The following CCR3 variants were observed in gnomAD, a reference collection of about 807,000 sequenced individuals.
CCR3 encodes C-C motif chemokine receptor 3, also known as C-C chemokine receptor type 3.
For missense variants in CCR3, 419 were observed against 437.5 expected, an observed-to-expected ratio of 0.96 and a Z score of 0.38; for synonymous variants, 203 against 179.2, an observed-to-expected ratio of 1.13 and a Z score of -1.06.
chr3:46,221,406 A>C (rs1699835354), intron 2 of CCR3, among the ~76,000 whole-genome samples: 1 of 152,232 alleles, frequency 6.6e-6, no homozygotes, highest in Admixed American at 6.5e-5. Context: ...TTTTACTTGA[A>C]TATCTGCTCT....
rs1008291480 is a variant in CCR3 at position 46,242,927 on chromosome 3, A to G, written c.-12+389A>G. 3.4e-5 allele frequency among the ~76,000 whole-genome samples: 5 copies of G among 148,236 alleles called. No homozygotes were observed. The East Asian group carries it at 9.8e-4, about 29-fold the overall frequency. ...CTTGTGTTTATTTATATTGACTTGT[A>G]AGAAATAGCAAAAATATAATTTTAC... On this transcript the variant is annotated intron_variant, in intron 1 of 1. Coordinates refer to ENST00000395940, the MANE Select transcript of CCR3 (RefSeq NM_178329.3).
intron 2 of CCR3, among the ~76,000 whole-genome samples, chr3:46,228,605 A>C (rs1699929454): frequency 6.6e-6 from 1 of 152,226 alleles, no homozygotes; most frequent in Non-Finnish European, 1.5e-5. Flanking sequence ...CAAGGCTCTC[A>C]TGGAAGGAAA....
chr3:46,256,619 AG>A (rs1346770174), intron 1 of CCR3, among the ~76,000 whole-genome samples: 1 of 152,204 alleles, frequency 6.6e-6, no homozygotes, highest in Non-Finnish European at 1.5e-5. Flanking sequence ...AACAGTCACA[AG>A]GGTATAACAG....
intron 1 of CCR3, among the ~76,000 whole-genome samples, chr3:46,255,575 T>C (rs1054450807): frequency 3.9e-5 from 6 of 152,098 alleles, no homozygotes; most frequent in Non-Finnish European, 8.8e-5. Context: ...TTTTTGTCTA[T>C]GGTGAGAGAT....
chr3:46,249,909 GTTAA>G (rs1239867538), intron 1 of CCR3, among the ~76,000 whole-genome samples: 1 of 152,058 alleles, frequency 6.6e-6, no homozygotes, highest in African/African-American at 2.4e-5. Flanking sequence ...TGAAGGTGAG[GTTAA>G]TTAAGTCCTG....
intron 2 of CCR3, among the ~76,000 whole-genome samples, chr3:46,222,607 C>T (rs1169326240): frequency 2.0e-5 from 3 of 152,202 alleles, no homozygotes; most frequent in East Asian, 3.9e-4. Context: ...ATGCTGCGCT[C>T]CTCACCTTGT....
At chr3:46,245,857 T>A (rs1700179125) in intron 1 of CCR3, among the ~76,000 whole-genome samples, 1 of 152,214 alleles carries the variant, frequency 6.6e-6, no homozygotes, top group Admixed American at 6.5e-5. Flanking sequence ...TCTAGCTCCA[T>A]CCATGTTCCT....
intron 2 of CCR3, among the ~76,000 whole-genome samples, chr3:46,223,211 G>A (rs7618935): frequency 0.1 from 15,148 of 152,182 alleles, 2,347 homozygotes; most frequent in African/African-American, 0.33. Flanking sequence ...AATTAGCTGG[G>A]TGTGGTGGTG....
upstream of CCR3, among the ~76,000 whole-genome samples, chr3:46,239,912 A>G (rs575230829): frequency 2.6e-5 from 4 of 152,312 alleles, no homozygotes; most frequent in Admixed American, 2.6e-4. Context: ...TAGTACCAGT[A>G]CTATAACTCA....
chr3:46,215,752 C>CAGAG (rs1386552321), intron 2 of CCR3, among the ~76,000 whole-genome samples: 1 of 152,166 alleles, frequency 6.6e-6, no homozygotes, highest in Non-Finnish European at 1.5e-5. Context: ...TGGAGTCTGC[C>CAGAG]AGAGGACCAA....
At chr3:46,216,801 C>T (rs1026624862) in intron 2 of CCR3, among the ~76,000 whole-genome samples, 4 of 152,124 alleles carry the variant, frequency 2.6e-5, no homozygotes, top group Non-Finnish European at 5.9e-5. Flanking sequence ...TAAACAAATG[C>T]TGAGAGAATT....
chr3:46,246,822 G>A (rs568066947), intron 1 of CCR3, among the ~76,000 whole-genome samples: 1 of 152,216 alleles, frequency 6.6e-6, no homozygotes, highest in East Asian at 1.9e-4. Context: ...AGAGAGAATG[G>A]GCGATGTTTC....
chr3:46,247,540 G>A (rs938402980), intron 1 of CCR3, among the ~76,000 whole-genome samples: 6 of 152,110 alleles, frequency 3.9e-5, no homozygotes, highest in African/African-American at 1.4e-4. Flanking sequence ...GAAGACAGAG[G>A]ACTATAAGGG....
At chr3:46,264,888 C>A in intron 1 of CCR3, 1 of 470,584 alleles carries the variant, frequency 2.1e-6, no homozygotes, top group Non-Finnish European at 3.7e-6. Context: ...AATCTGTATC[C>A]CCATTCTTCA....
intron 2 of CCR3, among the ~76,000 whole-genome samples, chr3:46,218,521 AT>A (rs1699800966): frequency 6.6e-6 from 1 of 152,108 alleles, no homozygotes; most frequent in Non-Finnish European, 1.5e-5. Flanking sequence ...AAATGACGTA[AT>A]GAAAAAAGAA....
intron 1 of CCR3, among the ~76,000 whole-genome samples, chr3:46,247,277 G>A (rs1298545145): frequency 1.3e-5 from 2 of 152,166 alleles, no homozygotes; most frequent in East Asian, 3.9e-4. Context: ...TGACTAGATA[G>A]AAAATAGTAG....
chr3:46,250,371 G>A (rs910078259), intron 1 of CCR3, among the ~76,000 whole-genome samples: 1 of 152,042 alleles, frequency 6.6e-6, no homozygotes, highest in African/African-American at 2.4e-5. Flanking sequence ...CTGTAGAAAA[G>A]GAAGATTAGA....
chr3:46,242,952 CATAT>C (rs993802550), intron 1 of CCR3, among the ~76,000 whole-genome samples: 1 of 77,024 alleles, frequency 1.3e-5, no homozygotes, highest in Non-Finnish European at 2.3e-5. Flanking sequence ...TATAATTTTA[CATAT>C]ATATGTGTAT....
At chr3:46,246,282 T>G (rs2125928642) in intron 1 of CCR3, among the ~76,000 whole-genome samples, 1 of 152,136 alleles carries the variant, frequency 6.6e-6, no homozygotes, top group Middle Eastern at 3.4e-3. Flanking sequence ...CTTTTATGCG[T>G]GTCCGTGTGA....
Sources: gnomAD v4.1 joint callset for allele counts (sites outside exome capture counted in the v4.1 genomes callset) on GRCh38, gnomAD v4.1.1 for gene constraint, MANE v1.5 for transcripts, NCBI Gene and HGNC (gene_info 2026-07-23, HGNC 2026-07-21) for gene names.